RAB8B: variants seen among roughly 807,000 people sequenced by gnomAD.
The protein encoded by RAB8B is RAB8B, member RAS oncogene family, also known as ras-related protein Rab-8B.
In RAB8B, 11 loss-of-function variants were observed where a neutral mutation model predicts 32.0. The observed-to-expected ratio is 0.34, with a 90% CI of 0.22 to 0.57. RAB8B has a LOEUF of 0.57. RAB8B is among the 20% of genes least tolerant of loss of function. The probability of loss-of-function intolerance (pLI) is 0.86; values close to 1 mark genes in which losing one functional copy is unlikely to be tolerated. For missense variants in RAB8B, 190 were observed against 258.5 expected (o/e 0.73, Z 1.82); for synonymous variants, 103 against 89.6 (o/e 1.15, Z -0.85).
chr15:63,237,302 A>C (rs2141131764), intron 1 of RAB8B, among the ~76,000 whole-genome samples: 1 of 152,300 alleles, frequency 6.6e-6, no homozygotes, highest in African/African-American at 2.4e-5. Context: ...TTTTGTGAGG[A>C]GACTTCAAAC....
chr15:63,255,019 A>C (rs1405002539), intron 3 of RAB8B, among the ~76,000 whole-genome samples: 1 of 152,252 alleles, frequency 6.6e-6, no homozygotes, highest in Non-Finnish European at 1.5e-5. Context: ...ATGTACTTAG[A>C]TAAATAGTGA....
chr15:63,202,233 G>A (rs1396298698), intron 1 of RAB8B, among the ~76,000 whole-genome samples: 1 of 151,282 alleles, frequency 6.6e-6, no homozygotes, highest in African/African-American at 2.4e-5. Flanking sequence ...AGCCGAGATC[G>A]CGCCACTGCA....
At chr15:63,246,517 G>A (rs2038073795) in intron 2 of RAB8B, among the ~76,000 whole-genome samples, 1 of 152,156 alleles carries the variant, frequency 6.6e-6, no homozygotes. Context: ...ACAGCCAGAT[G>A]GAAGAGATAC....
intron 1 of RAB8B, among the ~76,000 whole-genome samples, chr15:63,230,492 C>G (rs11855609): frequency 0.71 from 107,733 of 151,968 alleles, 38,793 homozygotes; most frequent in East Asian, 1. Context: ...AGTAGAGACA[C>G]GGTTTCGCCA....
At chr15:63,205,310 A>C (rs2173983) in intron 1 of RAB8B, among the ~76,000 whole-genome samples, 21,258 of 152,110 alleles carry the variant, frequency 0.14, 1,933 homozygotes, top group East Asian at 0.47. Flanking sequence ...TAAGTAAATA[A>C]ATAAACAAAT....
At chr15:63,216,981 G>A (rs1386259237) in intron 1 of RAB8B, among the ~76,000 whole-genome samples, 2 of 152,004 alleles carry the variant, frequency 1.3e-5, no homozygotes, top group African/African-American at 2.4e-5. Context: ...AGAGAAGTTG[G>A]CCTCTGACTA....
At chr15:63,236,901 C>T (rs1022881473) in intron 1 of RAB8B, among the ~76,000 whole-genome samples, 2 of 152,168 alleles carry the variant, frequency 1.3e-5, no homozygotes, top group Non-Finnish European at 2.9e-5. Flanking sequence ...CCCCTACCCC[C>T]CACTACCCTT....
intron 5 of RAB8B, among the ~76,000 whole-genome samples, chr15:63,256,952 T>C (rs953202952): frequency 2.6e-5 from 4 of 152,234 alleles, no homozygotes; most frequent in East Asian, 1.9e-4. Context: ...AAAGAAGTTA[T>C]AGGGATAGGT....
rs1386877855 is a variant in RAB8B at position 63,265,886 on chromosome 15, TAGC to T, written c.*2272_*2274del. On this transcript the variant is annotated 3_prime_UTR_variant, in exon 8 of 8. Coordinates refer to ENST00000321437, the MANE Select transcript of RAB8B (RefSeq NM_016530.3). This position sits in a 1 kb window ranked among gnomAD's most constrained non-coding sequence, Gnocchi z 4.9. ...ATGAGTCTAAAAGTGCTCTTTGAAG[TAGC>T]AGCAAATTGGGAGTATATGCTCTGT... 3 of 152,598 alleles carry T rather than the reference TAGC, an allele frequency of 2.0e-5. No individual in the cohort carries two copies. The highest frequency in any genetic ancestry group is 6.5e-5 in the Admixed American group (1 of 15,278). 9.5% of individuals were successfully genotyped at this position (152,598 alleles called of 1,614,324 possible). A position where few individuals can be genotyped will look rare whatever the true frequency, so the allele number is the denominator to read the frequency against.
In RAB8B at chr15:63,266,891, T is replaced by C. The variant is rs1214595348; in HGVS notation, c.*3272T>C. ...CATTTAAGCAGACATTCTTTTCAAG[T>C]TCATGACTTAGATTCCTTTACAAAT... On this transcript the variant is annotated 3_prime_UTR_variant, in exon 8 of 8. Transcript: ENST00000321437. 6.6e-6 allele frequency: 1 copy of C among 152,604 alleles called. No individual in the cohort carries two copies. The highest frequency in any genetic ancestry group is 1.5e-5 in the Non-Finnish European group (1 of 68,006). 9.5% of individuals were successfully genotyped at this position (152,604 alleles called of 1,614,324 possible). A position where few individuals can be genotyped will look rare whatever the true frequency, so the allele number is the denominator to read the frequency against.
intron 1 of RAB8B, among the ~76,000 whole-genome samples, chr15:63,226,817 G>A (rs747620329): frequency 2.6e-5 from 4 of 152,160 alleles, no homozygotes; most frequent in Non-Finnish European, 5.9e-5. Context: ...AAGTAAATGA[G>A]TAAAAGAATG....
intron 3 of RAB8B, among the ~76,000 whole-genome samples, chr15:63,254,724 A>G (rs536046699): frequency 3.9e-4 from 60 of 152,112 alleles, no homozygotes; most frequent in Non-Finnish European, 6.5e-4. Flanking sequence ...CATCCTGGCT[A>G]ATATGGTGAA....
chr15:63,245,597 G>A (rs914118569), intron 2 of RAB8B, among the ~76,000 whole-genome samples: 3 of 151,890 alleles, frequency 2.0e-5, no homozygotes, highest in Admixed American at 6.6e-5. Flanking sequence ...TTCTGATACT[G>A]TCTACCTGGA....
At chr15:63,192,683 C>G (rs1302438704) in intron 1 of RAB8B, among the ~76,000 whole-genome samples, 1 of 152,190 alleles carries the variant, frequency 6.6e-6, no homozygotes, top group East Asian at 1.9e-4. Flanking sequence ...AAATGGTAAT[C>G]TGCCATCTTT....
intron 1 of RAB8B, among the ~76,000 whole-genome samples, chr15:63,214,436 C>T (rs1236291162): frequency 6.6e-6 from 1 of 151,682 alleles, no homozygotes; most frequent in East Asian, 1.9e-4. Flanking sequence ...GGATTACAGG[C>T]AGGTGCCACC....
In RAB8B at chr15:63,230,370, C is replaced by T. The variant is rs575254092; in HGVS notation, c.125-14386C>T. Among the ~76,000 whole-genome samples the T allele has an allele frequency of 3.4e-4, 51 of 151,612 alleles. 1 individual carries two copies. The South Asian group carries it at 9.2e-3, about 27-fold the overall frequency. On this transcript the variant is annotated intron_variant, in intron 1 of 7. Transcript: ENST00000321437. ...AGGCTGGAGTGCAGTGGCTTGATCTCGGCTCACTGCAACCTCCGCCTCCCG... is the reference window on the plus strand; with the variant it reads ...AGGCTGGAGTGCAGTGGCTTGATCTTGGCTCACTGCAACCTCCGCCTCCCG...
chr15:63,211,046 T>A (rs1431502913), intron 1 of RAB8B, among the ~76,000 whole-genome samples: 1 of 152,206 alleles, frequency 6.6e-6, no homozygotes, highest in Admixed American at 6.5e-5. Flanking sequence ...TCAGAGCTCT[T>A]GCAATATCAA....
chr15:63,216,231 A>AT (rs201117248), intron 1 of RAB8B, among the ~76,000 whole-genome samples: 13 of 44,164 alleles, frequency 2.9e-4, no homozygotes, highest in African/African-American at 6.5e-4. Context: ...TTAATTAATT[A>AT]TTATTTTTTT....
chr15:63,247,744 A>C lies in RAB8B; in HGVS notation c.186-1901A>C, dbSNP rs1342370090. Among the ~76,000 whole-genome samples the C allele has an allele frequency of 2.0e-5, 3 of 152,204 alleles. No individual in the cohort carries two copies. In the East Asian group the frequency reaches 5.8e-4, roughly 29 times the overall value. On this transcript the variant is annotated intron_variant, in intron 2 of 7. Transcript: ENST00000321437. ...GCTGTATTTCTTTTTTGAACTCAGA[A>C]CTGGGACAGAAGAAGAATATCCCCC...
Sources: gnomAD v4.1 joint callset for allele counts (sites outside exome capture counted in the v4.1 genomes callset) on GRCh38, gnomAD v4.1.1 for gene constraint, Gnocchi (gnomAD v3.1) non-coding constraint, MANE v1.5 for transcripts, NCBI Gene and HGNC (gene_info 2026-07-23, HGNC 2026-07-21) for gene names.